Variants in SPAG9 observed in about 807,000 individuals in gnomAD.
SPAG9 encodes C-Jun-amino-terminal kinase-interacting protein 4.
SPAG9 carries 35 observed loss-of-function variants against 166.5 expected under a neutral mutation model. The observed-to-expected ratio is 0.21, with a 90% CI of 0.16 to 0.28. The LOEUF is 0.28. Ranked by LOEUF, SPAG9 falls within the 10% of genes least tolerant of loss-of-function variation. SPAG9 has a pLI of 1.00. For missense variants in SPAG9, 1,235 were observed against 1,603.3 expected (o/e 0.77, Z 3.92); for synonymous variants, 534 against 565.5 (o/e 0.94, Z 0.79).
intron 1 of SPAG9, among the ~76,000 whole-genome samples, chr17:51,118,256 A>G (rs572530591): frequency 2.0e-5 from 3 of 152,318 alleles, no homozygotes; most frequent in East Asian, 3.9e-4. Context: ...CCTTTGCCCA[A>G]TGGTTTCACT....
At chr17:51,054,669 C>T (rs1009607200) in intron 3 of SPAG9, among the ~76,000 whole-genome samples, 1 of 151,094 alleles carries the variant, frequency 6.6e-6, no homozygotes, top group Non-Finnish European at 1.5e-5. Context: ...ATCTCCTCAC[C>T]TCATGATCCA....
At chr17:51,110,651 T>C (rs1173480108) in intron 1 of SPAG9, among the ~76,000 whole-genome samples, 1 of 152,116 alleles carries the variant, frequency 6.6e-6, no homozygotes, top group African/African-American at 2.4e-5. Context: ...ATCGCACCAC[T>C]GCACTCCAAC....
In SPAG9 at chr17:50,977,139, A is replaced by G. The variant is rs1034320435; in HGVS notation, c.3492T>C (p.Asn1164=). 2.5e-6 allele frequency: 4 copies of G among 1,612,716 alleles called. No individual in the cohort carries two copies. In the African/African-American group the frequency reaches 4.0e-5, roughly 16 times the overall value. The change falls in exon 27 of 30, where the codon AAT becomes AAC. Residue 1164 remains asparagine (N), a synonymous_variant. Coordinates refer to ENST00000262013, the MANE Select transcript of SPAG9 (RefSeq NM_001130528.3). ...TCAATGGGATGGAGATAATGACACC[A>G]TTTCCTGTCCCCACCCACAAACGAT... ...SCNRLWVGTG[N]GVIISIPLTE...
chr17:51,027,490 C>CAACAGTACACTCATAAGAT lies in SPAG9; in HGVS notation c.783+4172_783+4190dup, dbSNP rs147735007. On this transcript the variant is annotated intron_variant, in intron 6 of 29. Coordinates refer to ENST00000262013, the MANE Select transcript of SPAG9 (RefSeq NM_001130528.3). Reference sequence around the variant, plus strand: ...AAAATTAAAATATACTACTTTTGGTCAACAGTACACTCATAAGATAATACG... The same window carrying CAACAGTACACTCATAAGAT: ...AAAATTAAAATATACTACTTTTGGTCAACAGTACACTCATAAGATAACAGTACACTCATAAGATAATACG... Among the ~76,000 whole-genome samples, 265 of 151,596 alleles carry CAACAGTACACTCATAAGAT rather than the reference C, an allele frequency of 1.7e-3. 4 individuals are homozygous for CAACAGTACACTCATAAGAT. The East Asian group carries it at 0.042, about 24-fold the overall frequency.
chr17:50,985,133 A>G, intron 23 of SPAG9, 143 bp from the exon 24 acceptor site: 1 of 653,450 alleles, frequency 1.5e-6, no homozygotes, highest in East Asian at 2.6e-5. Context: ...TGAACACACC[A>G]CTTTCTTCAC....
At chr17:51,117,006 A>T (rs2049308869) in intron 1 of SPAG9, among the ~76,000 whole-genome samples, 1 of 152,144 alleles carries the variant, frequency 6.6e-6, no homozygotes, top group Admixed American at 6.6e-5. Flanking sequence ...GGAGAGAGTG[A>T]TGGGCGATAA....
intron 1 of SPAG9, among the ~76,000 whole-genome samples, chr17:51,097,882 T>TGACCTTCAGGGCTCACTGCAACCTC (rs1251519816): frequency 1.3e-5 from 2 of 152,070 alleles, no homozygotes; most frequent in East Asian, 1.9e-4. Flanking sequence ...ACTGCAACCT[T>TGACCTTCAGGGCTCACTGCAACCTC]GACCTTCAGG....
chr17:51,037,216 G>A (rs533308563), intron 5 of SPAG9, among the ~76,000 whole-genome samples: 2 of 152,230 alleles, frequency 1.3e-5, no homozygotes, highest in East Asian at 3.9e-4. Flanking sequence ...TGATCCTCCT[G>A]CCTGTGCCTC....
chr17:50,988,519 C>T (rs1317430791), intron 21 of SPAG9, among the ~76,000 whole-genome samples: 1 of 152,120 alleles, frequency 6.6e-6, no homozygotes, highest in Non-Finnish European at 1.5e-5. Flanking sequence ...TTAACCAACC[C>T]TTTAACGGAG....
At chr17:51,061,995 T>C (rs1430269063) in intron 2 of SPAG9, among the ~76,000 whole-genome samples, 2 of 152,318 alleles carry the variant, frequency 1.3e-5, no homozygotes, top group Admixed American at 1.3e-4. Context: ...CTCATATAAA[T>C]AATATACATA....
chr17:51,091,907 T>C (rs2048476712), intron 1 of SPAG9, among the ~76,000 whole-genome samples: 1 of 149,772 alleles, frequency 6.7e-6, no homozygotes, highest in East Asian at 2.0e-4. Flanking sequence ...TAAGTCCAGA[T>C]GGCTTATAGG....
intron 1 of SPAG9, chr17:51,084,359 T>G (rs921460391): frequency 6.6e-6 from 1 of 152,184 alleles, no homozygotes; most frequent in African/African-American, 2.4e-5. Flanking sequence ...CTTGGCTAAC[T>G]TAACTACTAT....
intron 1 of SPAG9, among the ~76,000 whole-genome samples, chr17:51,110,354 G>C (rs1359587362): frequency 6.6e-6 from 1 of 150,474 alleles, no homozygotes; most frequent in Non-Finnish European, 1.5e-5. Flanking sequence ...GGGAGGGGTG[G>C]TGGTGGATTT....
intron 3 of SPAG9, among the ~76,000 whole-genome samples, chr17:51,051,836 G>C (rs2047193567): frequency 6.6e-6 from 1 of 152,140 alleles, no homozygotes; most frequent in Admixed American, 6.5e-5. Flanking sequence ...TCTGTAAAAT[G>C]GGAATGGATG....
At chr17:50,995,857 G>C in intron 16 of SPAG9, 1 of 232,984 alleles carries the variant, frequency 4.3e-6, no homozygotes, top group Non-Finnish European at 8.3e-6. Context: ...TAGAGATGAG[G>C]TCATGCTATG....
intron 1 of SPAG9, among the ~76,000 whole-genome samples, chr17:51,110,494 C>A (rs1409184155): frequency 6.6e-6 from 1 of 150,426 alleles, no homozygotes. Flanking sequence ...AATTCGAGAC[C>A]AGCCTGGGCA....
rs117573065 is a variant in SPAG9 at position 51,035,408 on chromosome 17, G to A, written c.742-3686C>T. On this transcript the variant is annotated intron_variant, in intron 5 of 29. Coordinates refer to ENST00000262013, the MANE Select transcript of SPAG9 (RefSeq NM_001130528.3). ...CTTCAAAAAAGTTATTTAAAACTGC[G>A]AACTTTAACTTTTTAAATTACATAT... 4.6e-3 allele frequency among the ~76,000 whole-genome samples: 696 copies of A among 152,210 alleles called. 3 individuals are homozygous for A. Among genetic ancestry groups the A allele is most frequent in the Non-Finnish European group, 7.3e-3 (498 of 68,006 alleles).
intron 2 of SPAG9, among the ~76,000 whole-genome samples, chr17:51,075,195 C>CAAAAAAAA (rs57533555): frequency 5.9e-4 from 17 of 28,942 alleles, no homozygotes; most frequent in East Asian, 1.9e-3. Flanking sequence ...GACTCCATCT[C>CAAAAAAAA]AAAAAAAAAA....
chr17:51,012,722 CTTTATTTATTTATTTATTTA>C (rs142325730), intron 9 of SPAG9, among the ~76,000 whole-genome samples: 1 of 145,738 alleles, frequency 6.9e-6, no homozygotes, highest in Non-Finnish European at 1.5e-5. Flanking sequence ...TTACTAGATA[CTTTATTTATTTATTTATTTA>C]TTTATTTATT....
Sources: allele counts gnomAD v4.1 joint callset (sites outside exome capture counted in the v4.1 genomes callset), GRCh38; gene constraint gnomAD v4.1.1; transcripts MANE v1.5; gene names NCBI Gene and HGNC (gene_info 2026-07-23, HGNC 2026-07-21).